LIPC: variants seen among roughly 807,000 people sequenced by gnomAD.
LIPC encodes the protein hepatic triacylglycerol lipase.
LIPC carries 44 observed loss-of-function variants against 50.7 expected under a neutral mutation model. The observed-to-expected ratio is 0.87, with a 90% confidence interval of 0.68 to 1.11. The LOEUF (loss-of-function observed/expected upper bound fraction) is 1.11. LIPC is among the 50% of genes most tolerant of loss of function. LIPC has a pLI of 0.00. For synonymous variants in LIPC, 271 were observed against 256.4 expected, an observed-to-expected ratio of 1.06 and a Z score of -0.54; for missense variants, 697 against 648.2, an observed-to-expected ratio of 1.08 and a Z score of -0.82.
At chr15:58,451,423 C>T (rs1185414760) in intron 1 of LIPC, among the ~76,000 whole-genome samples, 1 of 152,146 alleles carries the variant, frequency 6.6e-6, no homozygotes, top group Non-Finnish European at 1.5e-5. Flanking sequence ...CATGTTTCTT[C>T]ATTCGCTCCC....
intron 1 of LIPC, among the ~76,000 whole-genome samples, chr15:58,487,867 C>T (rs1891431865): frequency 6.6e-6 from 1 of 152,174 alleles, no homozygotes; most frequent in Admixed American, 6.5e-5. Context: ...TGCCAAGGAG[C>T]ATGGTGGGAA....
Position 58,503,988 on chromosome 15 carries a change from A to C in LIPC, c.89-34345A>C, listed in dbSNP as rs142542564. On this transcript the variant is annotated intron_variant, in intron 1 of 8. Transcript: ENST00000299022. ...TTTTCAGAAGAAAGCCAATGACACTAGCAAGTCCATGACCCATTTCAAGAT... is the reference window on the plus strand; with the variant it reads ...TTTTCAGAAGAAAGCCAATGACACTCGCAAGTCCATGACCCATTTCAAGAT... Among the ~76,000 whole-genome samples the C allele has an allele frequency of 2.0e-4, 31 of 152,340 alleles. No individual in the cohort carries two copies. In the East Asian group the frequency reaches 4.6e-3, roughly 23 times the overall value.
intron 1 of LIPC, among the ~76,000 whole-genome samples, chr15:58,484,728 C>G (rs572646736): frequency 6.6e-6 from 1 of 152,116 alleles, no homozygotes; most frequent in Non-Finnish European, 1.5e-5. Context: ...TCGGGCCACA[C>G]TGCCTCACAA....
intron 1 of LIPC, among the ~76,000 whole-genome samples, chr15:58,461,023 C>T (rs1245744547): frequency 1.3e-5 from 2 of 152,096 alleles, no homozygotes; most frequent in Non-Finnish European, 2.9e-5. Flanking sequence ...GGAAGAAAGC[C>T]ACCAAGGCCA....
intron 1 of LIPC, among the ~76,000 whole-genome samples, chr15:58,449,162 G>A (rs990579465): frequency 3.9e-5 from 6 of 152,206 alleles, no homozygotes; most frequent in African/African-American, 1.4e-4. Context: ...TGGCTACTCA[G>A]ACGCCAGTCT....
In LIPC at chr15:58,518,486, C is replaced by A. The variant is rs538541799; in HGVS notation, c.89-19847C>A. ...GCACCAGGGAGTTATCTAAAAAGTT[C>A]TCTTCTGGGCCACCCTCTGAACTTA... On this transcript the variant is annotated intron_variant, in intron 1 of 8. Transcript: ENST00000299022. Among the ~76,000 whole-genome samples the A allele has an allele frequency of 7.2e-4, 110 of 152,334 alleles. 1 individual carries two copies. Among genetic ancestry groups the A allele is most frequent in the Non-Finnish European group, 7.3e-4 (50 of 68,030 alleles).
intron 7 of LIPC, 125 bp downstream of exon 7, chr15:58,561,106 A>G (rs1407028177): frequency 4.1e-6 from 3 of 732,160 alleles, no homozygotes; most frequent in Non-Finnish European, 7.6e-6. Context: ...GCAAACCAAA[A>G]ACTATCTGAG....
chr15:58,568,928 A>T lies in LIPC; in HGVS notation c.*101A>T. 3.0e-6 allele frequency: 2 copies of T among 663,024 alleles called. No individual in the cohort carries two copies. The highest frequency in any genetic ancestry group is 5.1e-6 in the Non-Finnish European group (2 of 392,956). The allele number at this position is 663,024 out of a possible 1,614,324, so 41.1% of individuals were successfully genotyped here. A position where few individuals can be genotyped will look rare whatever the true frequency, so the allele number is the denominator to read the frequency against. On this transcript the variant is annotated 3_prime_UTR_variant, in exon 9 of 9. Transcript: ENST00000299022. Reference sequence around the variant, plus strand: ...AAAATTACATAAAGAATCTCACACAAAGCTTAAATAAAGTTTAGATTTAAG... The same window carrying T: ...AAAATTACATAAAGAATCTCACACATAGCTTAAATAAAGTTTAGATTTAAG...
chr15:58,435,573 A>G, intron 1 of LIPC: 1 of 152,260 alleles, frequency 6.6e-6, no homozygotes, highest in East Asian at 1.9e-4. Context: ...GAATTTAAAT[A>G]CAAATATAAC....
intron 6 of LIPC, among the ~76,000 whole-genome samples, chr15:58,556,219 GT>G: frequency 6.6e-6 from 1 of 152,306 alleles, no homozygotes; most frequent in East Asian, 1.9e-4. Flanking sequence ...ATATATGCAT[GT>G]TGTTCTTCAC....
intron 1 of LIPC, among the ~76,000 whole-genome samples, chr15:58,490,069 T>C (rs1335529935): frequency 6.6e-6 from 1 of 152,218 alleles, no homozygotes; most frequent in Non-Finnish European, 1.5e-5. Context: ...CTTAATTTTG[T>C]TTTTAATCTC....
At position 58,568,448 on chromosome 15, in the gene LIPC, C is replaced by T. The variant is rs553238605; in HGVS notation, c.1389-268C>T. 4.6e-5 allele frequency among the ~76,000 whole-genome samples: 7 copies of T among 152,312 alleles called. No individual in the cohort carries two copies. The South Asian group carries it at 1.5e-3, about 32-fold the overall frequency. On this transcript the variant is annotated intron_variant, in intron 8 of 8. Coordinates refer to ENST00000299022, the MANE Select transcript of LIPC (RefSeq NM_000236.3). ...TTCGATGAGCTGTCATAGGGGAGAA[C>T]AAAGGAGGGCTGCCCCAGGACTTTC...
intron 1 of LIPC, among the ~76,000 whole-genome samples, chr15:58,443,181 G>C (rs529258384): frequency 6.6e-6 from 1 of 152,118 alleles, no homozygotes; most frequent in Non-Finnish European, 1.5e-5. Flanking sequence ...CAAAGTGCTG[G>C]GATTACAGGC....
rs1892718719 is a variant in LIPC, at chr15:58,523,651, G to A, written c.89-14682G>A. Among the ~76,000 whole-genome samples, 5 of 152,288 alleles carry A rather than the reference G, an allele frequency of 3.3e-5. 1 individual carries two copies. In the South Asian group the frequency reaches 1.0e-3, roughly 32 times the overall value. ...ATTATTTTTCAGGCCAGGCACAGAG[G>A]CTCACGCCTATAATCCCAACACTTT... On this transcript the variant is annotated intron_variant, in intron 1 of 8. Coordinates refer to ENST00000299022, the MANE Select transcript of LIPC (RefSeq NM_000236.3).
chr15:58,452,870 G>A (rs1893962398), intron 1 of LIPC, among the ~76,000 whole-genome samples: 2 of 152,318 alleles, frequency 1.3e-5, no homozygotes, highest in South Asian at 4.1e-4. Context: ...CTTGTGAGTG[G>A]TCTGCTCTTG....
intron 1 of LIPC, among the ~76,000 whole-genome samples, chr15:58,471,834 A>T (rs1890819311): frequency 6.6e-6 from 1 of 152,174 alleles, no homozygotes; most frequent in South Asian, 2.1e-4. Context: ...TTACTGCCCT[A>T]CCAGTCCAGC....
chr15:58,466,761 G>A lies in LIPC; in HGVS notation c.88+34641G>A, dbSNP rs1005963336. On this transcript the variant is annotated intron_variant, in intron 1 of 8. Transcript: ENST00000299022. ...CCCCATAAGACCTTCCAGCATCTCA[G>A]TCAGCTGAGCATTTTACCTCCTGCA... 8.5e-4 allele frequency among the ~76,000 whole-genome samples: 130 copies of A among 152,236 alleles called. 2 individuals carry two copies. The highest frequency in any genetic ancestry group is 3.5e-4 in the Non-Finnish European group (24 of 68,026).
intron 6 of LIPC, among the ~76,000 whole-genome samples, chr15:58,559,106 G>T (rs768293360): frequency 1.3e-5 from 2 of 152,228 alleles, no homozygotes; most frequent in Non-Finnish European, 2.9e-5. Flanking sequence ...GGTAGAAATA[G>T]TACCATTTAG....
chr15:58,484,043 T>C (rs1178474500), intron 1 of LIPC, among the ~76,000 whole-genome samples: 1 of 152,184 alleles, frequency 6.6e-6, no homozygotes, highest in African/African-American at 2.4e-5. Context: ...ACCAACAGTG[T>C]TCAGTCTTTC....
Sources: gnomAD v4.1 joint callset for allele counts (sites outside exome capture counted in the v4.1 genomes callset) on GRCh38, gnomAD v4.1.1 for gene constraint, MANE v1.5 for transcripts, NCBI Gene and HGNC (gene_info 2026-07-23, HGNC 2026-07-21) for gene names.